OSBPL6: variants seen among roughly 807,000 people sequenced by gnomAD.
The protein encoded by OSBPL6 is oxysterol binding protein like 6, also known as oxysterol-binding protein-related protein 6.
OSBPL6 carries 49 observed loss-of-function variants against 125.8 expected under a neutral mutation model. The ratio of observed to expected loss-of-function variants is 0.39; its 90% CI spans 0.31 to 0.49. OSBPL6 has a LOEUF of 0.49. Among genes scored for constraint, OSBPL6 ranks in the 20% least tolerant of loss-of-function variants. The probability of loss-of-function intolerance (pLI) is 0.88; values close to 1 mark genes in which losing one functional copy is unlikely to be tolerated. For missense variants in OSBPL6, 986 were observed against 1,135.4 expected (o/e 0.87, Z 1.89); for synonymous variants, 394 against 391.8 (o/e 1.01, Z -0.07).
intron 1 of OSBPL6, among the ~76,000 whole-genome samples, chr2:178,245,697 C>T (rs1424176446): frequency 6.6e-6 from 1 of 152,138 alleles, no homozygotes; most frequent in Non-Finnish European, 1.5e-5. Flanking sequence ...TCATCTGATC[C>T]TCACAACAAG....
chr2:178,278,436 C>G (rs548444396), intron 1 of OSBPL6, among the ~76,000 whole-genome samples: 1 of 152,124 alleles, frequency 6.6e-6, no homozygotes, highest in African/African-American at 2.4e-5. Context: ...ACATAATTGA[C>G]TTACTGTTGT....
chr2:178,238,077 A>G (rs1007228508), intron 1 of OSBPL6, among the ~76,000 whole-genome samples: 3 of 152,140 alleles, frequency 2.0e-5, no homozygotes, highest in Admixed American at 1.3e-4. Flanking sequence ...ATGTCATGGT[A>G]TTCATCTCAT....
chr2:178,219,078 C>T (rs945127237), intron 1 of OSBPL6, among the ~76,000 whole-genome samples: 4 of 151,998 alleles, frequency 2.6e-5, no homozygotes, highest in Non-Finnish European at 5.9e-5. Flanking sequence ...TTTGTTGTAG[C>T]CTGAAGGATT....
intron 13 of OSBPL6, among the ~76,000 whole-genome samples, chr2:178,364,362 G>A (rs1243585182): frequency 6.6e-6 from 1 of 152,202 alleles, no homozygotes; most frequent in Non-Finnish European, 1.5e-5. Flanking sequence ...GGTACAGTAT[G>A]GAGGGTAGGT....
At chr2:178,395,217 T>A (rs1325812192) in intron 24 of OSBPL6, among the ~76,000 whole-genome samples, 1 of 152,198 alleles carries the variant, frequency 6.6e-6, no homozygotes, top group Non-Finnish European at 1.5e-5. Flanking sequence ...GGTAATTTGT[T>A]CCTGCCCTGA....
At chr2:178,355,917 G>A (rs1029543984) in intron 12 of OSBPL6, among the ~76,000 whole-genome samples, 3 of 152,364 alleles carry the variant, frequency 2.0e-5, no homozygotes, top group Non-Finnish European at 4.4e-5. Context: ...TCCCTGGGAT[G>A]CAAGGCTGGT....
At chr2:178,216,494 CGGA>C (rs1264691019) in intron 1 of OSBPL6, among the ~76,000 whole-genome samples, 47 of 152,140 alleles carry the variant, frequency 3.1e-4, no homozygotes, top group African/African-American at 1.1e-3. Context: ...AATAAATAAG[CGGA>C]GGTGAGAGAG....
At position 178,395,771 on chromosome 2, in the gene OSBPL6, T is replaced by TGA; in HGVS notation, c.*212_*213insGA. The TGA allele has an allele frequency of 3.4e-6, 1 of 290,982 alleles. No homozygotes were observed. The highest frequency in any genetic ancestry group is 4.4e-5 in the Admixed American group (1 of 22,838). The allele number at this position is 290,982 out of a possible 1,614,324, so 18.0% of individuals were successfully genotyped here. A position where few individuals can be genotyped will look rare whatever the true frequency, so the allele number is the denominator to read the frequency against. ...TTCTGTTTTGCTGCAACCATATTCC[T>TGA]TAAAAAAAAAAAAAAAAAAAAAAAA... On this transcript the variant is annotated 3_prime_UTR_variant, in exon 25 of 25. Coordinates refer to ENST00000190611, the MANE Select transcript of OSBPL6 (RefSeq NM_032523.4).
At position 178,374,031 on chromosome 2, in the gene OSBPL6, T is replaced by A; in HGVS notation, c.1533+4T>A. 6.2e-7 allele frequency: 1 copy of A among 1,613,750 alleles called. No individual in the cohort carries two copies. Among genetic ancestry groups the A allele is most frequent in the Non-Finnish European group, 8.5e-7 (1 of 1,179,780 alleles). ...TGCAAGTTCGTCAGAGAATGAGGTA[T>A]GTATGCCTCCTTGACTTGTTGGCCT... On this transcript the variant is annotated splice_donor_region_variant and intron_variant, in intron 15 of 24. Transcript: ENST00000190611.
rs1684571322 is a variant in OSBPL6 at position 178,285,085 on chromosome 2, A to T, written c.-192A>T. 7.5e-6 allele frequency: 3 copies of T among 398,504 alleles called. No individual in the cohort carries two copies. The highest frequency in any genetic ancestry group is 8.8e-6 in the Non-Finnish European group (2 of 225,994). 24.7% of individuals were successfully genotyped at this position (398,504 alleles called of 1,614,324 possible). A position where few individuals can be genotyped will look rare whatever the true frequency, so the allele number is the denominator to read the frequency against. On this transcript the variant is annotated 5_prime_UTR_variant, in exon 2 of 25. Coordinates refer to ENST00000190611, the MANE Select transcript of OSBPL6 (RefSeq NM_032523.4). ...ATCACTGTGAAACAGCTTTGACCAT[A>T]AAGCTGACTTGGAAGACTTTGACTC... is the stretch of plus-strand genomic sequence containing the variant.
At chr2:178,288,429 A>G (rs1360342915) in intron 2 of OSBPL6, among the ~76,000 whole-genome samples, 2 of 152,196 alleles carry the variant, frequency 1.3e-5, no homozygotes, top group Non-Finnish European at 2.9e-5. Context: ...TCGCCTGTGC[A>G]TTCATTGTCC....
intron 1 of OSBPL6, among the ~76,000 whole-genome samples, chr2:178,227,555 C>T (rs985330261): frequency 8.5e-5 from 13 of 152,098 alleles, no homozygotes; most frequent in African/African-American, 2.7e-4. Flanking sequence ...CAAAGGTCTA[C>T]GGACAAAAGA....
At chr2:178,196,940 A>G (rs2088934158) in intron 1 of OSBPL6, among the ~76,000 whole-genome samples, 1 of 151,892 alleles carries the variant, frequency 6.6e-6, no homozygotes, top group Non-Finnish European at 1.5e-5. Flanking sequence ...TTCATACTGT[A>G]TGTAGTTGTA....
At chr2:178,273,579 CA>C (rs200694862) in intron 1 of OSBPL6, among the ~76,000 whole-genome samples, 4 of 149,150 alleles carry the variant, frequency 2.7e-5, no homozygotes, top group African/African-American at 9.9e-5. Flanking sequence ...TACCCCGTCT[CA>C]AAAAAAAAGT....
intron 19 of OSBPL6, among the ~76,000 whole-genome samples, chr2:178,386,750 C>CA (rs758837511): frequency 0.021 from 3,193 of 149,956 alleles, 73 homozygotes; most frequent in East Asian, 0.14. Flanking sequence ...CACACACACA[C>CA]CGCACACACA....
chr2:178,228,672 A>G lies in OSBPL6; in HGVS notation c.-351+33998A>G, dbSNP rs1052856826. Among the ~76,000 whole-genome samples the G allele has an allele frequency of 3.3e-5, 5 of 152,272 alleles. 1 individual carries two copies. In the South Asian group the frequency reaches 1.0e-3, roughly 31 times the overall value. ...CCAATATAACCCAAATATTATGCTA[A>G]CATATAATGATATAAAAATTATTAG... On this transcript the variant is annotated intron_variant, in intron 1 of 24. Transcript: ENST00000190611.
chr2:178,391,975 T>G (rs1695445470), intron 22 of OSBPL6, among the ~76,000 whole-genome samples: 1 of 152,214 alleles, frequency 6.6e-6, no homozygotes, highest in Admixed American at 6.5e-5. Flanking sequence ...CATACAAAGA[T>G]CCTGCCTTCA....
Position 178,361,775 on chromosome 2 carries a change from A to T in OSBPL6, c.1247A>T (p.His416Leu), listed in dbSNP as rs1692381191. 3.1e-6 allele frequency: 5 copies of T among 1,614,176 alleles called. No individual in the cohort carries two copies. The highest frequency in any genetic ancestry group is 4.2e-6 in the Non-Finnish European group (5 of 1,180,012). Reference sequence around the variant, plus strand: ...TCCGAGCAGGATCACAGTAAAGGCCACAGCACGCAGATGGCACGGCTCCGA... The same window carrying T: ...TCCGAGCAGGATCACAGTAAAGGCCTCAGCACGCAGATGGCACGGCTCCGA... ...MVSEQDHSKG[H>L]STQMARLRQS... The change falls in exon 13 of 25, where the codon CAC (histidine) becomes CTC (leucine). Residue 416 changes from histidine (H) to leucine (L), a missense_variant. This residue lies in a region of OSBPL6 where 843 missense variants were observed against 997.3 expected (regional missense o/e 0.85). Coordinates refer to ENST00000190611, the MANE Select transcript of OSBPL6 (RefSeq NM_032523.4).
At chr2:178,318,066 A>G (rs1687922815) in intron 3 of OSBPL6, among the ~76,000 whole-genome samples, 1 of 152,196 alleles carries the variant, frequency 6.6e-6, no homozygotes, top group Non-Finnish European at 1.5e-5. Context: ...GAGGAAGTTC[A>G]CCAGTAAGCT....
Sources: gnomAD v4.1 joint callset for allele counts (sites outside exome capture counted in the v4.1 genomes callset) on GRCh38, gnomAD v4.1.1 for gene constraint, gnomAD v4.1.1 regional missense constraint, MANE v1.5 for transcripts, NCBI Gene and HGNC (gene_info 2026-07-23, HGNC 2026-07-21) for gene names.